Variants in BSN observed in about 807,000 individuals in gnomAD.
BSN encodes the protein protein bassoon.
Under a neutral mutation model 264.8 loss-of-function variants are expected in BSN, and 57 were observed. The ratio of observed to expected loss-of-function variants is 0.22; its 90% confidence interval spans 0.17 to 0.27. The LOEUF is 0.27. Among genes scored for constraint, BSN ranks in the 10% least tolerant of loss-of-function variants. BSN has a pLI of 1.00. For missense variants in BSN, 4,615 were observed against 5,232.5 expected (o/e 0.88, Z 3.64); for synonymous variants, 2,059 against 2,137.3 (o/e 0.96, Z 1.01).
chr3:49,576,933 C>A (rs2051848704), intron 1 of BSN, among the ~76,000 whole-genome samples: 1 of 152,182 alleles, frequency 6.6e-6, no homozygotes, highest in Non-Finnish European at 1.5e-5. Context: ...AGACTCAACC[C>A]CAATCCGGAA....
At position 49,661,421 on chromosome 3, in the gene BSN, C is replaced by A; in HGVS notation, c.9576C>A (p.Gly3192=). The A allele has an allele frequency of 5.6e-6, 9 of 1,613,912 alleles. No individual in the cohort carries two copies. Among genetic ancestry groups the A allele is most frequent in the Non-Finnish European group, 7.6e-6 (9 of 1,180,006 alleles). ...CAGTGAGCAGCGGCTATGAGCAGGGCAAGGTCCCTGAGGTGCCCCGGGCTG... is the reference window on the plus strand; with the variant it reads ...CAGTGAGCAGCGGCTATGAGCAGGGAAAGGTCCCTGAGGTGCCCCGGGCTG... ...GPAVSSGYEQ[G]KVPEVPRAGD... is the part of the protein sequence containing the mutation. The change falls in exon 6 of 12, where the codon GGC becomes GGA. Residue 3192 remains glycine (G), a synonymous_variant. Coordinates refer to ENST00000296452, the MANE Select transcript of BSN (RefSeq NM_003458.4).
intron 1 of BSN, among the ~76,000 whole-genome samples, chr3:49,570,481 C>A (rs775604001): frequency 6.6e-6 from 1 of 152,184 alleles, no homozygotes; most frequent in Non-Finnish European, 1.5e-5. Flanking sequence ...CTGTTGTTTA[C>A]TTTGGTTTGA....
intron 2 of BSN, among the ~76,000 whole-genome samples, chr3:49,631,346 A>G (rs568984773): frequency 5.9e-5 from 9 of 152,198 alleles, no homozygotes; most frequent in South Asian, 2.1e-4. Context: ...ACTTGAGCCC[A>G]GGAGTTCAAG....
intron 1 of BSN, among the ~76,000 whole-genome samples, chr3:49,581,928 A>G (rs2051898315): frequency 2.0e-5 from 3 of 152,188 alleles, no homozygotes; most frequent in Admixed American, 6.5e-5. Context: ...GGGCTACTAT[A>G]TTGTGAATAA....
Position 49,652,821 on chromosome 3 carries a change from C to A in BSN, c.3265C>A (p.Arg1089Ser). The A allele has an allele frequency of 6.4e-7, 1 of 1,571,068 alleles. No homozygotes were observed. Among genetic ancestry groups the A allele is most frequent in the South Asian group, 1.2e-5 (1 of 85,058 alleles). Residue 1089 changes from arginine to serine, a missense_variant, in exon 5 of 12, where the codon CGC becomes AGC. Coordinates refer to ENST00000296452, the MANE Select transcript of BSN (RefSeq NM_003458.4). The stretch of plus-strand genomic sequence containing the variant: ...ACTGCGGGCCCAGCGGAGGCGAGAG[C>A]GCTCCAAGACACCACCCAGTAACTT... Reference protein sequence around the residue: ...EELRAQRRRERSKTPPSNLSP... With the variant: ...EELRAQRRRESSKTPPSNLSP...
rs369070758 is a variant in BSN, at chr3:49,657,883, C to T, written c.8327C>T (p.Pro2776Leu). ...ATTGGGTACCAGGCCCACCTGCCTCCGGAGTCTCTCTCACAGCTTGTGAGC... is the reference window on the plus strand; with the variant it reads ...ATTGGGTACCAGGCCCACCTGCCTCTGGAGTCTCTCTCACAGCTTGTGAGC... ...LEIGYQAHLP[P>L]ESLSQLVSRQ... Residue 2776 changes from proline to leucine, a missense_variant, in exon 5 of 12, where the codon CCG becomes CTG. Around this residue, in one of 3 missense-constraint regions of BSN, gnomAD observed 3,415 missense variants for 3,866.4 expected, o/e 0.88. Coordinates refer to ENST00000296452, the MANE Select transcript of BSN (RefSeq NM_003458.4). 26 of 1,613,622 alleles carry T rather than the reference C, an allele frequency of 1.6e-5. No homozygotes were observed. The highest frequency in any genetic ancestry group is 1.1e-4 in the African/African-American group (8 of 74,894).
chr3:49,664,858 G>A lies in BSN; in HGVS notation c.*14+5G>A. ...CTGGTGACCATGCCCAGCATGGTGA[G>A]TACAAGCAGCCTGTACCTTGCCTCT... On this transcript the variant is annotated splice_donor_5th_base_variant and intron_variant, in intron 10 of 11. Coordinates refer to ENST00000296452, the MANE Select transcript of BSN (RefSeq NM_003458.4). The A allele has an allele frequency of 6.3e-7, 1 of 1,589,696 alleles. No homozygotes were observed. The highest frequency in any genetic ancestry group is 8.6e-7 in the Non-Finnish European group (1 of 1,163,674).
chr3:49,661,099 G>T lies in BSN; in HGVS notation c.9254G>T (p.Gly3085Val). The change falls in exon 6 of 12, where the codon GGC becomes GTC. Residue 3085 changes from glycine to valine, a missense_variant. Around this residue, in one of 3 missense-constraint regions of BSN, gnomAD observed 3,415 missense variants for 3,866.4 expected, o/e 0.88. Coordinates refer to ENST00000296452, the MANE Select transcript of BSN (RefSeq NM_003458.4). The part of the protein sequence containing the change: ...FPAHQAPTYP[G>V]PSTYPAPAFP... ...GCCCACCAGGCCCCCACCTACCCTGGCCCCAGCACGTACCCAGCTCCTGCC... is the reference window on the plus strand; with the variant it reads ...GCCCACCAGGCCCCCACCTACCCTGTCCCCAGCACGTACCCAGCTCCTGCC... The T allele has an allele frequency of 6.2e-7, 1 of 1,610,054 alleles. No individual in the cohort carries two copies. Among genetic ancestry groups the T allele is most frequent in the Non-Finnish European group, 8.5e-7 (1 of 1,179,190 alleles).
At chr3:49,591,070 C>CAA (rs748353555) in intron 1 of BSN, among the ~76,000 whole-genome samples, 3 of 113,096 alleles carry the variant, frequency 2.7e-5, no homozygotes, top group Non-Finnish European at 5.6e-5. Context: ...GACTCCATCT[C>CAA]AAAAAAAAAA....
chr3:49,611,835 G>C (rs1285128224), intron 1 of BSN, among the ~76,000 whole-genome samples: 1 of 152,100 alleles, frequency 6.6e-6, no homozygotes, highest in Non-Finnish European at 1.5e-5. Context: ...GAGATCATAG[G>C]GGGAGCTCCT....
At position 49,613,446 on chromosome 3, in the gene BSN, C is replaced by G. The variant is rs1423079934; in HGVS notation, c.225-11529C>G. Among the ~76,000 whole-genome samples the G allele has an allele frequency of 2.6e-5, 4 of 151,442 alleles. No individual in the cohort carries two copies. The East Asian group carries it at 7.7e-4, about 29-fold the overall frequency. ...TCCTGAGGGAGAGAAAGTGTAAACCCAGAATTTATATCCAGCCAACCTGTT... is the reference window on the plus strand; with the variant it reads ...TCCTGAGGGAGAGAAAGTGTAAACCGAGAATTTATATCCAGCCAACCTGTT... On this transcript the variant is annotated intron_variant, in intron 1 of 11. Coordinates refer to ENST00000296452, the MANE Select transcript of BSN (RefSeq NM_003458.4).
intron 1 of BSN, among the ~76,000 whole-genome samples, chr3:49,610,527 T>A (rs901671994): frequency 8.1e-6 from 1 of 123,570 alleles, no homozygotes; most frequent in Non-Finnish European, 1.6e-5. Flanking sequence ...GAGGTTGCAG[T>A]GAGCCGAGAT....
intron 3 of BSN, among the ~76,000 whole-genome samples, chr3:49,643,613 G>A (rs139452643): frequency 6.6e-6 from 1 of 152,150 alleles, no homozygotes; most frequent in Non-Finnish European, 1.5e-5. Context: ...CTCACAATGG[G>A]GCAGGGCATG....
chr3:49,647,215 G>C (rs2052508349), intron 3 of BSN, among the ~76,000 whole-genome samples: 1 of 152,192 alleles, frequency 6.6e-6, no homozygotes, highest in Non-Finnish European at 1.5e-5. Context: ...GGCTCACAAG[G>C]CACAATGGCC....
In BSN at chr3:49,642,640, C is replaced by A; in HGVS notation, c.1006C>A (p.Leu336Ile). The A allele has an allele frequency of 6.2e-7, 1 of 1,603,136 alleles. No homozygotes were observed. Among genetic ancestry groups the A allele is most frequent in the South Asian group, 1.1e-5 (1 of 90,128 alleles). ...AKSATAVPAG[L>I]GATEQTQEGL... is the part of the protein sequence containing the mutation. ...AAGTGCCACCGCAGTGCCCGCTGGG[C>A]TTGGTGCCACTGAGCAGACCCAGGA... Residue 336 changes from leucine (L) to isoleucine (I), a missense_variant, in exon 3 of 12, where the codon CTT becomes ATT. Physicochemically the swap from Leu to Ile is conservative, Grantham distance 5 (BLOSUM62 2). Coordinates refer to ENST00000296452, the MANE Select transcript of BSN (RefSeq NM_003458.4). The surrounding 1 kb of genome is among the most constrained non-coding windows in gnomAD (Gnocchi z 7.0).
chr3:49,656,941 T>TGCA lies in BSN; in HGVS notation c.7394_7396dup (p.Gln2465dup). On this transcript the variant is annotated inframe_insertion, in exon 5 of 12. Transcript: ENST00000296452. ...CAGATCCAGCAGCTGCAGCAGCAGC[T>TGCA]GCAGCAGCAGCTAGAGGAGCAGAAG... is the stretch of plus-strand genomic sequence containing the variant. 6.2e-7 allele frequency: 1 copy of TGCA among 1,601,658 alleles called. No individual in the cohort carries two copies. Among genetic ancestry groups the TGCA allele is most frequent in the Non-Finnish European group, 8.5e-7 (1 of 1,173,262 alleles).
In BSN at chr3:49,600,839, A is replaced by G. The variant is rs377044333; in HGVS notation, c.225-24136A>G. ...ATAAGTAAATAAAGGTGGCAGAGGA[A>G]CCCTTGAAGATTGCTGAGGTTTGTT... On this transcript the variant is annotated intron_variant, in intron 1 of 11. Transcript: ENST00000296452. Among the ~76,000 whole-genome samples the G allele has an allele frequency of 1.1e-4, 17 of 152,164 alleles. No individual in the cohort carries two copies. In the East Asian group the frequency reaches 2.3e-3, roughly 21 times the overall value.
intron 1 of BSN, among the ~76,000 whole-genome samples, chr3:49,597,420 C>A (rs2052032345): frequency 6.6e-6 from 1 of 152,118 alleles, no homozygotes; most frequent in Admixed American, 6.6e-5. Flanking sequence ...CAGGCTCAAG[C>A]AATTCTCCTT....
At position 49,656,543 on chromosome 3, in the gene BSN, C is replaced by T. The variant is rs751874409; in HGVS notation, c.6987C>T (p.Ala2329=). ...IKEAAGAPAP[A]PLAGQKPPAD... is the part of the protein sequence containing the mutation. ...AGGCTGCAGGAGCCCCAGCTCCTGCCCCACTAGCTGGCCAGAAGCCACCAG... is the reference window on the plus strand; with the variant it reads ...AGGCTGCAGGAGCCCCAGCTCCTGCTCCACTAGCTGGCCAGAAGCCACCAG... The change falls in exon 5 of 12, where the codon GCC becomes GCT. Residue 2329 remains alanine, a synonymous_variant. Transcript: ENST00000296452. 5 of 1,566,332 alleles carry T rather than the reference C, an allele frequency of 3.2e-6. No individual in the cohort carries two copies. The South Asian group carries it at 4.7e-5, about 15-fold the overall frequency.
Sources: gnomAD v4.1 joint callset for allele counts (sites outside exome capture counted in the v4.1 genomes callset) on GRCh38, gnomAD v4.1.1 for gene constraint, gnomAD v4.1.1 regional missense constraint, Gnocchi (gnomAD v3.1) non-coding constraint, MANE v1.5 for transcripts, NCBI Gene and HGNC (gene_info 2026-07-23, HGNC 2026-07-21) for gene names.